ERC2: variants seen among roughly 807,000 people sequenced by gnomAD.
ERC2 encodes the protein ELKS/RAB6-interacting/CAST family member 2.
In ERC2, 42 loss-of-function variants were observed where a neutral mutation model predicts 114.8. The ratio of observed to expected loss-of-function variants is 0.37; its 90% CI spans 0.29 to 0.47. ERC2 has a LOEUF of 0.47. Among genes scored for constraint, ERC2 ranks in the 20% least tolerant of loss-of-function variants. The pLI is 0.99. For missense variants in ERC2, 939 were observed against 1,150.7 expected, an observed-to-expected ratio of 0.82 and a Z score of 2.66; for synonymous variants, 454 against 425.5, an observed-to-expected ratio of 1.07 and a Z score of -0.82.
chr3:56,467,463 A>G (rs2063598366), intron 1 of ERC2, among the ~76,000 whole-genome samples: 2 of 152,220 alleles, frequency 1.3e-5, no homozygotes, highest in South Asian at 4.1e-4. Context: ...GCAGGGCCGA[A>G]CGGAGAGTTT....
At chr3:56,462,171 C>T (rs1166412467) in intron 1 of ERC2, among the ~76,000 whole-genome samples, 1 of 152,206 alleles carries the variant, frequency 6.6e-6, no homozygotes, top group Non-Finnish European at 1.5e-5. Flanking sequence ...CCCCACCCCA[C>T]AGCATGAAAT....
chr3:55,873,577 G>A (rs1559797241), intron 14 of ERC2, among the ~76,000 whole-genome samples: 2 of 152,200 alleles, frequency 1.3e-5, no homozygotes. Context: ...TGAATAATCT[G>A]ATGATGGCCC....
At chr3:55,942,375 G>A (rs2066862818) in intron 13 of ERC2, among the ~76,000 whole-genome samples, 3 of 126,120 alleles carry the variant, frequency 2.4e-5, no homozygotes, top group African/African-American at 5.9e-5. Context: ...TGCAAGCTCC[G>A]CCTCCCGGGT....
At chr3:56,411,516 T>C (rs1270309824) in intron 2 of ERC2, among the ~76,000 whole-genome samples, 2 of 152,130 alleles carry the variant, frequency 1.3e-5, no homozygotes, top group African/African-American at 4.8e-5. Flanking sequence ...TTCCTTGCTA[T>C]AGTTTAAATG....
At chr3:55,581,045 T>C (rs1438128979) in intron 17 of ERC2, among the ~76,000 whole-genome samples, 3 of 152,114 alleles carry the variant, frequency 2.0e-5, no homozygotes, top group East Asian at 3.9e-4. Flanking sequence ...GCAGAGGCCT[T>C]GAGGCAGGAG....
intron 14 of ERC2, among the ~76,000 whole-genome samples, chr3:55,787,114 G>A (rs905464059): frequency 6.6e-6 from 1 of 152,146 alleles, no homozygotes; most frequent in African/African-American, 2.4e-5. Context: ...TGTAAGAAAA[G>A]AATAAAAATA....
chr3:55,952,306 G>T (rs909002959), intron 12 of ERC2, among the ~76,000 whole-genome samples: 1 of 151,134 alleles, frequency 6.6e-6, no homozygotes, highest in Admixed American at 6.6e-5. Flanking sequence ...AGGACATAAA[G>T]TATGATATAA....
chr3:56,197,697 A>T (rs1419853229), intron 3 of ERC2, among the ~76,000 whole-genome samples: 1 of 152,222 alleles, frequency 6.6e-6, no homozygotes, highest in Non-Finnish European at 1.5e-5. Context: ...TTCATTTAAA[A>T]CACATTGGTC....
At chr3:56,116,816 C>A (rs1024959420) in intron 6 of ERC2, among the ~76,000 whole-genome samples, 1 of 152,180 alleles carries the variant, frequency 6.6e-6, no homozygotes, top group African/African-American at 2.4e-5. Context: ...CTCTCTGACA[C>A]CTCTTTCATG....
At chr3:55,889,709 C>G (rs1335646932) in intron 13 of ERC2, among the ~76,000 whole-genome samples, 1 of 152,176 alleles carries the variant, frequency 6.6e-6, no homozygotes, top group East Asian at 1.9e-4. Flanking sequence ...CAGGAAGTTT[C>G]TAGATTCCAG....
chr3:55,658,062 C>T (rs1216039012), intron 17 of ERC2: 1 of 152,176 alleles, frequency 6.6e-6, no homozygotes, highest in East Asian at 1.9e-4. Context: ...CATCTGGCCT[C>T]AAACTGACTT....
At chr3:56,450,720 A>G (rs2062789958) in intron 1 of ERC2, among the ~76,000 whole-genome samples, 1 of 152,146 alleles carries the variant, frequency 6.6e-6, no homozygotes, top group African/African-American at 2.4e-5. Context: ...AGTCCTAGCT[A>G]CTTGGGAGGC....
chr3:56,061,012 A>C (rs1329376732), intron 7 of ERC2, among the ~76,000 whole-genome samples: 1 of 152,108 alleles, frequency 6.6e-6, no homozygotes, highest in East Asian at 1.9e-4. Flanking sequence ...AGTAACCTCC[A>C]CTTGCCTGCT....
At chr3:56,278,012 C>T (rs1251049069) in intron 3 of ERC2, among the ~76,000 whole-genome samples, 4 of 152,120 alleles carry the variant, frequency 2.6e-5, no homozygotes, top group Admixed American at 2.0e-4. Context: ...GACTCCATTG[C>T]TTCATTTGTA....
intron 17 of ERC2, among the ~76,000 whole-genome samples, chr3:55,620,946 C>T (rs1054203264): frequency 6.6e-6 from 1 of 152,118 alleles, no homozygotes; most frequent in African/African-American, 2.4e-5. Context: ...TTTACTAGCT[C>T]GGAACAACTA....
chr3:56,247,526 T>C (rs1353711261), intron 3 of ERC2, among the ~76,000 whole-genome samples: 6 of 152,252 alleles, frequency 3.9e-5, no homozygotes, highest in East Asian at 1.9e-4. Flanking sequence ...AGGCAAACTT[T>C]TGCCCAGTCC....
intron 14 of ERC2, among the ~76,000 whole-genome samples, chr3:55,772,859 C>G (rs1224985508): frequency 6.6e-6 from 1 of 152,172 alleles, no homozygotes; most frequent in Non-Finnish European, 1.5e-5. Flanking sequence ...AATAGCACCA[C>G]AACCTGCTCC....
At chr3:56,393,131 C>T (rs938229353) in intron 2 of ERC2, among the ~76,000 whole-genome samples, 3 of 152,228 alleles carry the variant, frequency 2.0e-5, no homozygotes, top group Non-Finnish European at 4.4e-5. Flanking sequence ...GGCACAGTGG[C>T]TCATGCCTAT....
At chr3:56,444,845 T>A (rs1317682249) in intron 1 of ERC2, among the ~76,000 whole-genome samples, 2 of 152,066 alleles carry the variant, frequency 1.3e-5, no homozygotes, top group Non-Finnish European at 1.5e-5. Flanking sequence ...TAAAATATCC[T>A]TTTTTTTCTA....
Sources: gnomAD v4.1 joint callset for allele counts (sites outside exome capture counted in the v4.1 genomes callset) on GRCh38, gnomAD v4.1.1 for gene constraint, MANE v1.5 for transcripts, NCBI Gene and HGNC (gene_info 2026-07-23, HGNC 2026-07-21) for gene names.